Variants in DOK6 observed in about 807,000 individuals in gnomAD.
DOK6 encodes the protein docking protein 6.
DOK6 carries 22 observed loss-of-function variants against 44.0 expected under a neutral mutation model. That is an observed-to-expected ratio of 0.50 (90% confidence interval 0.36 to 0.71). The LOEUF (loss-of-function observed/expected upper bound fraction) is 0.71. Ranked by LOEUF, DOK6 falls within the 30% of genes least tolerant of loss-of-function variation. The probability of loss-of-function intolerance (pLI) is 0.00; values close to 1 mark genes in which losing one functional copy is unlikely to be tolerated. For synonymous variants in DOK6, 166 were observed against 145.5 expected (o/e 1.14, Z -1.01); for missense variants, 340 against 416.4 (o/e 0.82, Z 1.60).
At chr18:69,697,140 T>G (rs1448011799) in intron 4 of DOK6, among the ~76,000 whole-genome samples, 1 of 152,094 alleles carries the variant, frequency 6.6e-6, no homozygotes, top group African/African-American at 2.4e-5. Flanking sequence ...ATATTTTTTT[T>G]GGCATCAGAG....
At chr18:69,417,258 T>C (rs1978365621) in intron 1 of DOK6, among the ~76,000 whole-genome samples, 1 of 152,160 alleles carries the variant, frequency 6.6e-6, no homozygotes. Flanking sequence ...CCCACCATTC[T>C]ATCCACTATG....
At chr18:69,575,020 C>A (rs1263083067) in intron 2 of DOK6, among the ~76,000 whole-genome samples, 2 of 152,064 alleles carry the variant, frequency 1.3e-5, no homozygotes, top group Admixed American at 6.6e-5. Flanking sequence ...ACAGTGTACA[C>A]CCTTCAGGCC....
intron 7 of DOK6, among the ~76,000 whole-genome samples, chr18:69,799,224 T>G (rs1980833811): frequency 6.6e-6 from 1 of 152,082 alleles, no homozygotes; most frequent in African/African-American, 2.4e-5. Flanking sequence ...TTAAATGTTT[T>G]CAGATTTTCT....
At chr18:69,609,938 C>A (rs961978540) in intron 3 of DOK6, among the ~76,000 whole-genome samples, 4 of 152,250 alleles carry the variant, frequency 2.6e-5, no homozygotes, top group Admixed American at 6.5e-5. Context: ...AAAACAAATG[C>A]TGCATTTCAC....
intron 3 of DOK6, among the ~76,000 whole-genome samples, chr18:69,612,423 G>T (rs186547120): frequency 6.6e-6 from 1 of 150,690 alleles, no homozygotes; most frequent in Non-Finnish European, 1.5e-5. Context: ...GCATGTGTGC[G>T]AGGGCGCATG....
At chr18:69,530,405 A>C (rs933837909) in intron 1 of DOK6, among the ~76,000 whole-genome samples, 1 of 152,184 alleles carries the variant, frequency 6.6e-6, no homozygotes, top group African/African-American at 2.4e-5. Flanking sequence ...ATCTATCTGA[A>C]TCAAGTAGTT....
intron 1 of DOK6, among the ~76,000 whole-genome samples, chr18:69,530,942 G>A (rs1241251520): frequency 4.6e-5 from 7 of 152,032 alleles, no homozygotes; most frequent in African/African-American, 1.7e-4. Context: ...ATAAATCTGG[G>A]TGCTCCTGTA....
intron 3 of DOK6, among the ~76,000 whole-genome samples, chr18:69,601,399 A>T (rs1358513783): frequency 1.3e-5 from 2 of 152,184 alleles, no homozygotes; most frequent in Admixed American, 1.3e-4. Flanking sequence ...TAATATATCG[A>T]TATTGATCTA....
At chr18:69,576,482 G>T (rs149177245) in intron 2 of DOK6, among the ~76,000 whole-genome samples, 211 of 152,122 alleles carry the variant, frequency 1.4e-3, no homozygotes, top group African/African-American at 4.7e-3. Flanking sequence ...ATAAGCCAAG[G>T]ATACAATTAT....
chr18:69,696,521 G>A (rs1422182620), intron 4 of DOK6, among the ~76,000 whole-genome samples: 1 of 152,066 alleles, frequency 6.6e-6, no homozygotes, highest in African/African-American at 2.4e-5. Context: ...TTGATGGAAA[G>A]GAAAAAATGT....
intron 1 of DOK6, among the ~76,000 whole-genome samples, chr18:69,484,200 G>A (rs879565083): frequency 5.3e-5 from 8 of 151,980 alleles, no homozygotes; most frequent in Non-Finnish European, 1.2e-4. Context: ...GAGACTGGCT[G>A]AAATGTTATT....
At chr18:69,722,656 CT>C (rs1978290559) in intron 5 of DOK6, among the ~76,000 whole-genome samples, 1 of 152,202 alleles carries the variant, frequency 6.6e-6, no homozygotes, top group South Asian at 2.1e-4. Context: ...ATCCAGTATG[CT>C]TTTGTTCAAC....
At chr18:69,432,161 G>A (rs1048627380) in intron 1 of DOK6, among the ~76,000 whole-genome samples, 1 of 152,136 alleles carries the variant, frequency 6.6e-6, no homozygotes, top group Non-Finnish European at 1.5e-5. Context: ...TTATCATTTT[G>A]TCTGGGCATG....
At chr18:69,827,530 CT>C in intron 7 of DOK6, among the ~76,000 whole-genome samples, 1 of 152,128 alleles carries the variant, frequency 6.6e-6, no homozygotes, top group East Asian at 1.9e-4. Context: ...ACATATCAAA[CT>C]TCTAGAAAGT....
At chr18:69,744,398 A>G (rs930883065) in intron 6 of DOK6, among the ~76,000 whole-genome samples, 2 of 151,684 alleles carry the variant, frequency 1.3e-5, no homozygotes, top group African/African-American at 4.8e-5. Flanking sequence ...AATGTTAATC[A>G]TAAGATTAGA....
At chr18:69,517,573 A>C (rs1480490485) in intron 1 of DOK6, among the ~76,000 whole-genome samples, 2 of 152,166 alleles carry the variant, frequency 1.3e-5, no homozygotes, top group East Asian at 3.9e-4. Flanking sequence ...TTGTAGCTAG[A>C]AGTTGAGCTG....
chr18:69,489,322 A>C (rs971598370), intron 1 of DOK6, among the ~76,000 whole-genome samples: 2 of 152,210 alleles, frequency 1.3e-5, no homozygotes, highest in African/African-American at 4.8e-5. Context: ...TTGCTCACAT[A>C]GGGATAAACA....
At chr18:69,806,960 T>C (rs1263470119) in intron 7 of DOK6, among the ~76,000 whole-genome samples, 2 of 152,032 alleles carry the variant, frequency 1.3e-5, no homozygotes, top group Non-Finnish European at 1.5e-5. Flanking sequence ...GGGCAAACTA[T>C]ATCTTAGTTG....
At chr18:69,825,699 T>C (rs1981722880) in intron 7 of DOK6, among the ~76,000 whole-genome samples, 1 of 152,084 alleles carries the variant, frequency 6.6e-6, no homozygotes, top group Non-Finnish European at 1.5e-5. Flanking sequence ...TTCTATTCTA[T>C]TAAATGATTA....
Sources: allele counts gnomAD v4.1 joint callset (sites outside exome capture counted in the v4.1 genomes callset), GRCh38; gene constraint gnomAD v4.1.1; transcripts MANE v1.5; gene names NCBI Gene and HGNC (gene_info 2026-07-23, HGNC 2026-07-21).